Variants in SPEG observed in about 807,000 individuals in gnomAD.
SPEG encodes the protein striated muscle preferentially expressed protein kinase.
Under a neutral mutation model 300.4 loss-of-function variants are expected in SPEG, and 114 were observed. The ratio of observed to expected loss-of-function variants is 0.38; its 90% CI spans 0.33 to 0.44. The LOEUF (loss-of-function observed/expected upper bound fraction) is 0.44, where lower values mean the gene tolerates loss of function less well. SPEG is among the 20% of genes least tolerant of loss of function. SPEG has a pLI of 1.00. For missense variants in SPEG, 4,201 were observed against 4,586.2 expected (o/e 0.92, Z 2.43); for synonymous variants, 1,964 against 2,018.9 (o/e 0.97, Z 0.73).
Position 219,462,298 on chromosome 2 carries a change from G to T in SPEG, c.2617G>T (p.Val873Phe), listed in dbSNP as rs1270396144. ...TGACACTTTGGGGTACCCCCTTCAGGTCTCACTTATGGACCAGTCAGTAAG... is the reference window on the plus strand; with the variant it reads ...TGACACTTTGGGGTACCCCCTTCAGTTCTCACTTATGGACCAGTCAGTAAG... ...TGSKAPPTFKVSLMDQSVREG... is the reference protein window; with the variant it reads ...TGSKAPPTFKFSLMDQSVREG... Residue 873 changes from valine to phenylalanine, a missense_variant and splice_region_variant, in exon 8 of 41, where the codon GTC becomes TTC. By Grantham distance (50) the Val-to-Phe change is conservative. Around this residue, in one of 4 missense-constraint regions of SPEG, gnomAD observed 1,047 missense variants for 1,356.8 expected, o/e 0.77. Transcript: ENST00000312358. 6.4e-7 allele frequency: 1 copy of T among 1,561,410 alleles called. No homozygotes were observed. Among genetic ancestry groups the T allele is most frequent in the Admixed American group, 1.9e-5 (1 of 52,756 alleles).
At chr2:219,450,920 A>G in intron 4 of SPEG, 1 of 514,192 alleles carries the variant, frequency 1.9e-6, no homozygotes, top group Non-Finnish European at 3.4e-6. Context: ...CATGGAGTCA[A>G]GGCTGCCCTG....
chr2:219,490,593 G>C lies in SPEG; in HGVS notation c.9106G>C (p.Val3036Leu), dbSNP rs1238872922. 6.2e-7 allele frequency: 1 copy of C among 1,613,694 alleles called. No homozygotes were observed. ...GGCCTACATCACCCCTCGGTACCTC[G>C]TGCTCATTGCTGAGAGCTGTGGCAA... ...HEAYITPRYL[V>L]LIAESCGNRE... Residue 3036 changes from valine (V) to leucine (L), a missense_variant, in exon 37 of 41, where the codon GTG becomes CTG. By Grantham distance (32) the Val-to-Leu change is conservative. Around this residue, in one of 4 missense-constraint regions of SPEG, gnomAD observed 318 missense variants for 429.5 expected, o/e 0.74. Coordinates refer to ENST00000312358, the MANE Select transcript of SPEG (RefSeq NM_005876.5).
chr2:219,479,028 T>A lies in SPEG; in HGVS notation c.5028-116T>A. On this transcript the variant is annotated intron_variant, in intron 22 of 40. Transcript: ENST00000312358. The surrounding 1 kb of genome is among the most constrained non-coding windows in gnomAD (Gnocchi z 5.5). ...GAGCGGAGAGGCAGTCTCTGGCTAG[T>A]ATCAAGCATTCTGTAAGGGGAAGGA... 1 of 859,400 alleles carries A rather than the reference T, an allele frequency of 1.2e-6. No individual in the cohort carries two copies. The allele number at this position is 859,400 out of a possible 1,614,324, so 53.2% of individuals were successfully genotyped here.
rs1575056077 is a variant in SPEG at position 219,448,124 on chromosome 2, G to A, written c.966G>A (p.Pro322=). ...CTCGGGTCGGGAAGCGGTCCCCGCC[G>A]GGACCCCCGGCCCAGCCCGCGGCCA... ...PSPRVGKRSP[P]GPPAQPAATP... is the part of the protein sequence containing the mutation. The change falls in exon 4 of 41, where the codon CCG becomes CCA. Residue 322 remains proline, a synonymous_variant. Coordinates refer to ENST00000312358, the MANE Select transcript of SPEG (RefSeq NM_005876.5). 1 of 1,604,014 alleles carries A rather than the reference G, an allele frequency of 6.2e-7. No homozygotes were observed. Among genetic ancestry groups the A allele is most frequent in the Non-Finnish European group, 8.5e-7 (1 of 1,175,520 alleles).
At position 219,448,312 on chromosome 2, in the gene SPEG, C is replaced by A. The variant is rs1282654555; in HGVS notation, c.1154C>A (p.Ser385Ter). Residue 385 changes from serine to a stop codon, truncating the protein, a stop_gained, in exon 4 of 41, where the codon TCG becomes TAG. Coordinates refer to ENST00000312358, the MANE Select transcript of SPEG (RefSeq NM_005876.5). LOFTEE classifies it high-confidence loss of function. The part of the protein sequence containing the change: ...TPLSEASGRL[S>*]ALGRSPRLVR... ...CTGAGCGAGGCCTCAGGCCGCCTGT[C>A]GGCGTTGGGCCGATCGCCTAGGCTG... is the stretch of plus-strand genomic sequence containing the variant. 3 of 1,605,524 alleles carry A rather than the reference C, an allele frequency of 1.9e-6. No homozygotes were observed. Among genetic ancestry groups the A allele is most frequent in the Non-Finnish European group, 2.5e-6 (3 of 1,177,150 alleles).
At chr2:219,455,541 G>A (rs776192681) in intron 6 of SPEG, among the ~76,000 whole-genome samples, 5 of 152,154 alleles carry the variant, frequency 3.3e-5, no homozygotes, top group Non-Finnish European at 7.4e-5. Context: ...GTCAGCTCTA[G>A]GAGCTTAGGG....
At position 219,443,800 on chromosome 2, in the gene SPEG, C is replaced by A; in HGVS notation, c.389-853C>A. ...TGGCCAGTGGCAGCACCAGTAAGTG[C>A]CAAGGATACCAGAACCACTGGGGCA... On this transcript the variant is annotated intron_variant, in intron 1 of 40. Coordinates refer to ENST00000312358, the MANE Select transcript of SPEG (RefSeq NM_005876.5). The surrounding 1 kb of genome is among the most constrained non-coding windows in gnomAD (Gnocchi z 4.6). The A allele has an allele frequency of 2.7e-6, 1 of 371,092 alleles. No individual in the cohort carries two copies. Among genetic ancestry groups the A allele is most frequent in the Admixed American group, 3.2e-5 (1 of 31,284 alleles). 23.0% of individuals were successfully genotyped at this position (371,092 alleles called of 1,614,324 possible).
At chr2:219,456,908 C>CAAA (rs61151030) in intron 6 of SPEG, among the ~76,000 whole-genome samples, 6 of 39,648 alleles carry the variant, frequency 1.5e-4, no homozygotes, top group African/African-American at 2.7e-4. Context: ...GACTCTGTCT[C>CAAA]AAAAAAAAAA....
Position 219,451,788 on chromosome 2 carries a change from C to T in SPEG, c.2421C>T (p.Ala807=). 1 of 1,548,268 alleles carries T rather than the reference C, an allele frequency of 6.5e-7. No homozygotes were observed. The highest frequency in any genetic ancestry group is 8.7e-7 in the Non-Finnish European group (1 of 1,145,836). ...TNELGQATCA[A]SLTVRPGGST... ...AGCTGGGCCAGGCCACCTGTGCCGC[C>T]TCACTGACCGTGAGACCCGGTAGGG... The change falls in exon 6 of 41, where the codon GCC becomes GCT. Residue 807 remains alanine, a synonymous_variant. Transcript: ENST00000312358. This position sits in a 1 kb window ranked among gnomAD's most constrained non-coding sequence, Gnocchi z 6.4.
chr2:219,441,972 C>T, intron 1 of SPEG: 1 of 355,668 alleles, frequency 2.8e-6, no homozygotes, highest in Non-Finnish European at 4.7e-6. Context: ...CCAGCTCGCC[C>T]CCGGCCCCGC....
chr2:219,492,612 G>C lies in SPEG; in HGVS notation c.9630G>C (p.Gln3210His). 1.2e-6 allele frequency: 2 copies of C among 1,610,092 alleles called. No homozygotes were observed. The highest frequency in any genetic ancestry group is 2.7e-5 in the African/African-American group (2 of 75,052). Reference sequence around the variant, plus strand: ...CTGGCAGGAGCCGGCCCTCCCTGCAGGACTGCCTGGCCCACCCATGGTTGC... The same window carrying C: ...CTGGCAGGAGCCGGCCCTCCCTGCACGACTGCCTGGCCCACCCATGGTTGC... ...SVHPWSRPSLQDCLAHPWLQD... is the reference protein window; with the variant it reads ...SVHPWSRPSLHDCLAHPWLQD... Residue 3210 changes from glutamine (Q) to histidine (H), a missense_variant, in exon 41 of 41, where the codon CAG becomes CAC. Coordinates refer to ENST00000312358, the MANE Select transcript of SPEG (RefSeq NM_005876.5).
rs1411316187 is a variant in SPEG at position 219,484,466 on chromosome 2, G to A, written c.7003G>A (p.Ala2335Thr). ...CTTGGAGTCGGAGGCCGTGTTCGAGGCCAAGTTCAAGCGCAGCCGCGAGTC... is the reference window on the plus strand; with the variant it reads ...CTTGGAGTCGGAGGCCGTGTTCGAGACCAAGTTCAAGCGCAGCCGCGAGTC... The part of the protein sequence containing the change: ...ENLESEAVFE[A>T]KFKRSRESPL... The change falls in exon 30 of 41, where the codon GCC becomes ACC. Residue 2335 changes from alanine to threonine, a missense_variant. Transcript: ENST00000312358. 1.9e-6 allele frequency: 3 copies of A among 1,610,816 alleles called. No individual in the cohort carries two copies. Among genetic ancestry groups the A allele is most frequent in the South Asian group, 1.1e-5 (1 of 91,046 alleles).
At position 219,492,179 on chromosome 2, in the gene SPEG, G is replaced by T; in HGVS notation, c.9530G>T (p.Arg3177Leu). The T allele has an allele frequency of 6.2e-7, 1 of 1,613,694 alleles. No homozygotes were observed. Among genetic ancestry groups the T allele is most frequent in the Non-Finnish European group, 8.5e-7 (1 of 1,179,908 alleles). Residue 3177 changes from arginine (R) to leucine (L), a missense_variant, in exon 40 of 41, where the codon CGC becomes CTC. Physicochemically the swap from Arg to Leu is moderately radical, Grantham distance 102 (BLOSUM62 -2). Coordinates refer to ENST00000312358, the MANE Select transcript of SPEG (RefSeq NM_005876.5). ...QETEARIVGG[R>L]FDAFQLYPNT... Reference sequence around the variant, plus strand: ...ACGGAGGCTCGGATTGTGGGGGGCCGCTTTGATGCCTTCCAGCTGTACCCC... The same window carrying T: ...ACGGAGGCTCGGATTGTGGGGGGCCTCTTTGATGCCTTCCAGCTGTACCCC...
rs370998962 is a variant in SPEG, at chr2:219,490,400, G to A, written c.8922-9G>A. 1,209 of 1,606,180 alleles carry A rather than the reference G, an allele frequency of 7.5e-4. 15 individuals are homozygous for A. In the South Asian group the frequency reaches 8.7e-3, roughly 12 times the overall value. ...CTGAGCCGGTGGTGTCCCTCCCCCC[G>A]ACACACAGGGGCCGCTTTGGTGTTG... On this transcript the variant is annotated splice_polypyrimidine_tract_variant and intron_variant, in intron 36 of 40. Coordinates refer to ENST00000312358, the MANE Select transcript of SPEG (RefSeq NM_005876.5).
At position 219,484,768 on chromosome 2, in the gene SPEG, C is replaced by T; in HGVS notation, c.7305C>T (p.Asp2435=). The change falls in exon 30 of 41, where the codon GAC becomes GAT. Residue 2435 remains aspartate, a synonymous_variant. Transcript: ENST00000312358. ...RHPAWEARGG[D]GESSEGGSSA... is the part of the protein sequence containing the mutation. ...CGGCCTGGGAGGCCCGCGGCGGGGA[C>T]GGAGAGAGCTCGGAGGGCGGGAGCT... The T allele has an allele frequency of 4.8e-6, 7 of 1,464,174 alleles. No homozygotes were observed. Among genetic ancestry groups the T allele is most frequent in the Non-Finnish European group, 6.3e-6 (7 of 1,119,336 alleles). 90.7% of individuals were successfully genotyped at this position (1,464,174 alleles called of 1,614,324 possible).
At chr2:219,478,221 AGGG>A in intron 22 of SPEG, 116 bp downstream of exon 22, 1 of 877,066 alleles carries the variant, frequency 1.1e-6, no homozygotes, top group Non-Finnish European at 1.8e-6. Context: ...GACAATTGGG[AGGG>A]ATACATCTGG....
intron 6 of SPEG, among the ~76,000 whole-genome samples, chr2:219,454,948 G>A (rs539605095): frequency 6.6e-6 from 1 of 152,312 alleles, no homozygotes; most frequent in East Asian, 1.9e-4. Context: ...ACAAAAATTA[G>A]CCAGGCGTGG....
chr2:219,474,892 T>C (rs1016438517), intron 18 of SPEG, among the ~76,000 whole-genome samples: 4 of 151,768 alleles, frequency 2.6e-5, no homozygotes, highest in African/African-American at 9.7e-5. Context: ...GAGTGATTCT[T>C]GTGCCTCAGG....
intron 6 of SPEG, 80 bp from the exon 7 acceptor site, chr2:219,461,802 G>A (rs992110920): frequency 1.2e-5 from 18 of 1,458,384 alleles, no homozygotes; most frequent in Non-Finnish European, 1.7e-5. Flanking sequence ...CAACTCCTGG[G>A]CTCTGGGCGA....
Sources: allele counts gnomAD v4.1 joint callset (sites outside exome capture counted in the v4.1 genomes callset), GRCh38; gene constraint gnomAD v4.1.1; regional missense constraint gnomAD v4.1.1; non-coding constraint Gnocchi (gnomAD v3.1); transcripts MANE v1.5; gene names NCBI Gene and HGNC (gene_info 2026-07-23, HGNC 2026-07-21).